Variants in DUSP3 observed in about 807,000 individuals in gnomAD.
DUSP3 encodes the protein dual specificity protein phosphatase 3.
In DUSP3, 7 loss-of-function variants were observed where a neutral mutation model predicts 15.5. The ratio of observed to expected loss-of-function variants is 0.45; its 90% CI spans 0.26 to 0.85. The LOEUF is 0.85. Among genes scored for constraint, DUSP3 ranks in the 40% least tolerant of loss-of-function variants. The pLI, the probability that DUSP3 is intolerant of heterozygous loss-of-function variation, is 0.18. For missense variants in DUSP3, 209 were observed against 251.7 expected, an observed-to-expected ratio of 0.83 and a Z score of 1.15; for synonymous variants, 86 against 104.2, an observed-to-expected ratio of 0.83 and a Z score of 1.07.
chr17:43,776,570 CT>C (rs755377514), intron 1 of DUSP3, among the ~76,000 whole-genome samples: 77 of 152,368 alleles, frequency 5.1e-4, no homozygotes, highest in Admixed American at 1.7e-3. Context: ...CCCAAATCCT[CT>C]TGGTGCTTGG....
chr17:43,773,203 C>T (rs1974340271), intron 2 of DUSP3, among the ~76,000 whole-genome samples: 2 of 152,196 alleles, frequency 1.3e-5, no homozygotes, highest in Non-Finnish European at 2.9e-5. Context: ...ATTCTGTTTA[C>T]TGGAAATCAT....
At chr17:43,773,640 G>A (rs1026756043) in intron 2 of DUSP3, among the ~76,000 whole-genome samples, 1 of 152,120 alleles carries the variant, frequency 6.6e-6, no homozygotes, top group Admixed American at 6.6e-5. Context: ...GAGATGTGAG[G>A]GGTATTTCTG....
At position 43,778,876 on chromosome 17, in the gene DUSP3, A is replaced by C. The variant is rs1480535696; in HGVS notation, c.49T>G (p.Ser17Ala). 1.3e-6 allele frequency: 2 copies of C among 1,518,040 alleles called. No homozygotes were observed. The highest frequency in any genetic ancestry group is 1.8e-6 in the Non-Finnish European group (2 of 1,133,520). The allele number at this position is 1,518,040 out of a possible 1,614,324, so 94.0% of individuals were successfully genotyped here. A position where few individuals can be genotyped will look rare whatever the true frequency, so the allele number is the denominator to read the frequency against. Residue 17 changes from serine (S) to alanine (A), a missense_variant, in exon 1 of 3, where the codon TCG becomes GCG. Physicochemically the swap from Ser to Ala is moderately conservative, Grantham distance 99. Transcript: ENST00000226004. ...LSVQDLNDLL[S>A]DGSGCYSLPS... Reference sequence around the variant, plus strand: ...AGGCTGTAGCAGCCGCTGCCGTCCGAGAGCAGGTCGTTGAGATCCTGCACC... The same window carrying C: ...AGGCTGTAGCAGCCGCTGCCGTCCGCGAGCAGGTCGTTGAGATCCTGCACC...
At chr17:43,769,927 G>T in intron 2 of DUSP3, 113 bp from the exon 3 acceptor site, 1 of 1,183,378 alleles carries the variant, frequency 8.5e-7, no homozygotes. Flanking sequence ...GCCACTGTGT[G>T]CCTGTCAGAA....
At position 43,778,810 on chromosome 17, in the gene DUSP3, C is replaced by T; in HGVS notation, c.115G>A (p.Val39Met). 1 of 1,535,400 alleles carries T rather than the reference C, an allele frequency of 6.5e-7. No individual in the cohort carries two copies. Among genetic ancestry groups the T allele is most frequent in the Non-Finnish European group, 8.7e-7 (1 of 1,143,228 alleles). The change falls in exon 1 of 3, where the codon GTG becomes ATG. Residue 39 changes from valine (V) to methionine (M), a missense_variant. Val to Met is a conservative substitution (Grantham distance 21). Transcript: ENST00000226004. ...PCNEVTPRIY[V>M]GNASVAQDIP... is the part of the protein sequence containing the mutation. ...GCGAAAGGGACTCACGCGTTGCCCA[C>T]GTAGATCCGCGGGGTGACCTCGTTG... is the stretch of plus-strand genomic sequence containing the variant.
Position 43,778,819 on chromosome 17 carries a change from G to A in DUSP3, c.106C>T (p.Arg36Trp), listed in dbSNP as rs1289275348. ...PSQPCNEVTP[R>W]IYVGNASVAQ... ...ACTCACGCGTTGCCCACGTAGATCC[G>A]CGGGGTGACCTCGTTGCAGGGCTGG... The change falls in exon 1 of 3, where the codon CGG (arginine) becomes TGG (tryptophan). Residue 36 changes from arginine to tryptophan, a missense_variant. Physicochemically the swap from Arg to Trp is moderately radical, Grantham distance 101. Transcript: ENST00000226004. 1.3e-6 allele frequency: 2 copies of A among 1,538,606 alleles called. 1 individual carries two copies. Among genetic ancestry groups the A allele is most frequent in the African/African-American group, 2.8e-5 (2 of 70,328 alleles).
At chr17:43,775,298 G>A (rs1199963597) in intron 1 of DUSP3, among the ~76,000 whole-genome samples, 1 of 152,154 alleles carries the variant, frequency 6.6e-6, no homozygotes, top group Non-Finnish European at 1.5e-5. Flanking sequence ...GGTGTACATA[G>A]CCAACTGGTT....
At chr17:43,775,279 T>C (rs1479232387) in intron 1 of DUSP3, among the ~76,000 whole-genome samples, 1 of 152,140 alleles carries the variant, frequency 6.6e-6, no homozygotes, top group South Asian at 2.1e-4. Context: ...CTCCCTAAGC[T>C]GTGGTGGGGG....
rs1974392272 is a variant in DUSP3, at chr17:43,776,711, T to C, written c.126-1773A>G. On this transcript the variant is annotated intron_variant, in intron 1 of 2. Coordinates refer to ENST00000226004, the MANE Select transcript of DUSP3 (RefSeq NM_004090.4). ...ATTGCCACTCTGGCTACACCAGACG[T>C]GTACAACCTTGGTTTCCACTTGGGA... Among the ~76,000 whole-genome samples, 4 of 152,240 alleles carry C rather than the reference T, an allele frequency of 2.6e-5. No homozygotes were observed. In the South Asian group the frequency reaches 8.3e-4, roughly 31 times the overall value.
intron 1 of DUSP3, among the ~76,000 whole-genome samples, chr17:43,776,684 C>CA (rs773782358): frequency 1.3e-5 from 2 of 152,234 alleles, no homozygotes; most frequent in Non-Finnish European, 2.9e-5. Context: ...TGGCCATCAG[C>CA]AATTGCCACT....
chr17:43,778,769 C>T (rs764361424), intron 1 of DUSP3, 31 bp downstream of exon 1: 33 of 1,500,692 alleles, frequency 2.2e-5, no homozygotes, highest in African/African-American at 1.9e-4. Flanking sequence ...CCGAGAGGGA[C>T]GGCGGGGCCG....
intron 2 of DUSP3, 85 bp downstream of exon 2, chr17:43,774,627 G>T: frequency 7.0e-7 from 1 of 1,426,084 alleles, no homozygotes; most frequent in Non-Finnish European, 9.8e-7. Context: ...GAGTTTCTAA[G>T]AAGAGACCTG....
At position 43,769,236 on chromosome 17, in the gene DUSP3, G is replaced by A. The variant is rs1006540954; in HGVS notation, c.*373C>T. On this transcript the variant is annotated 3_prime_UTR_variant, in exon 3 of 3. Coordinates refer to ENST00000226004, the MANE Select transcript of DUSP3 (RefSeq NM_004090.4). ...TCCACACTCAAGAGAGGATTCGGGA[G>A]TTGGGGAAGGGAGGTCATGAGGGAC... 3 of 242,332 alleles carry A rather than the reference G, an allele frequency of 1.2e-5. No homozygotes were observed. Among genetic ancestry groups the A allele is most frequent in the Admixed American group, 5.5e-5 (1 of 18,282 alleles). 15.0% of individuals were successfully genotyped at this position (242,332 alleles called of 1,614,324 possible).
Position 43,778,699 on chromosome 17 carries a change from G to A in DUSP3, c.125+101C>T, listed in dbSNP as rs1270218401. The A allele has an allele frequency of 3.7e-6, 5 of 1,338,370 alleles. No homozygotes were observed. The African/African-American group carries it at 4.6e-5, about 12-fold the overall frequency. The allele number at this position is 1,338,370 out of a possible 1,614,324, so 82.9% of individuals were successfully genotyped here. A position where few individuals can be genotyped will look rare whatever the true frequency, so the allele number is the denominator to read the frequency against. ...GGCTCCCGGAGGGGCCATCGCGCCCGGGCTCCCCCAACCCAAGACTCGCGA... is the reference window on the plus strand; with the variant it reads ...GGCTCCCGGAGGGGCCATCGCGCCCAGGCTCCCCCAACCCAAGACTCGCGA... On this transcript the variant is annotated intron_variant, in intron 1 of 2. Transcript: ENST00000226004.
chr17:43,778,773 G>A (rs1327300835), intron 1 of DUSP3, 27 bp downstream of exon 1: 6 of 1,505,848 alleles, frequency 4.0e-6, no homozygotes, highest in Middle Eastern at 2.0e-4. Context: ...GAGGGACGGC[G>A]GGGCCGGGCT....
Position 43,769,812 on chromosome 17 carries a change from G to A in DUSP3, c.355C>T (p.Arg119Trp), listed in dbSNP as rs138129767. 8 of 1,614,044 alleles carry A rather than the reference G, an allele frequency of 5.0e-6. No individual in the cohort carries two copies. Among genetic ancestry groups the A allele is most frequent in the African/African-American group, 1.3e-5 (1 of 75,034 alleles). ...IDQALAQKNG[R>W]VLVHCREGYS... Reference sequence around the variant, plus strand: ...CCTTCCCGGCAGTGGACGAGCACCCGGCCTGTAAGAAACAGGGGAGACGTG... The same window carrying A: ...CCTTCCCGGCAGTGGACGAGCACCCAGCCTGTAAGAAACAGGGGAGACGTG... The change falls in exon 3 of 3, where the codon CGG (arginine) becomes TGG (tryptophan). Residue 119 changes from arginine to tryptophan, a missense_variant and splice_region_variant. Arg to Trp is a moderately radical substitution (Grantham distance 101). Transcript: ENST00000226004.
rs1222633129 is a variant in DUSP3, at chr17:43,767,865, T to G, written c.*1744A>C. The G allele has an allele frequency of 6.6e-6, 1 of 152,094 alleles. No homozygotes were observed. Among genetic ancestry groups the G allele is most frequent in the Non-Finnish European group, 1.5e-5 (1 of 68,026 alleles). The allele number at this position is 152,094 out of a possible 1,614,324, so 9.4% of individuals were successfully genotyped here. On this transcript the variant is annotated 3_prime_UTR_variant, in exon 3 of 3. Coordinates refer to ENST00000226004, the MANE Select transcript of DUSP3 (RefSeq NM_004090.4). ...GCTGCTTCTGTGTGATCAGAGACCT[T>G]CCCAGCCGGGAGTGAGGCCTTACGC...
chr17:43,778,740 CTCGGGTGGGCGGGGCGTCCCG>C, intron 1 of DUSP3, 39 bp downstream of exon 1: 1 of 1,438,300 alleles, frequency 7.0e-7, no homozygotes, highest in Non-Finnish European at 9.2e-7. Context: ...CGACCCCAGC[CTCGGGTGGGCGGGGCGTCCCG>C]AGAGGGACGG....
At chr17:43,778,660 CAA>C in intron 1 of DUSP3, 138 bp downstream of exon 1, 1 of 1,202,002 alleles carries the variant, frequency 8.3e-7, no homozygotes, top group Non-Finnish European at 1.1e-6. Context: ...AGGCCCCTCC[CAA>C]GCCCCCGCTG....
Sources: gnomAD v4.1 joint callset for allele counts (sites outside exome capture counted in the v4.1 genomes callset) on GRCh38, gnomAD v4.1.1 for gene constraint, MANE v1.5 for transcripts, NCBI Gene and HGNC (gene_info 2026-07-23, HGNC 2026-07-21) for gene names.